The following CACUL1 variants were observed in gnomAD, a reference collection of about 807,000 sequenced individuals.
CACUL1 encodes the protein CDK2-associated and cullin domain-containing protein 1.
CACUL1 carries 13 observed loss-of-function variants against 45.2 expected under a neutral mutation model. The ratio of observed to expected loss-of-function variants is 0.29; its 90% CI spans 0.19 to 0.46. The LOEUF (loss-of-function observed/expected upper bound fraction) is 0.46, where lower values mean the gene tolerates loss of function less well. CACUL1 is among the 20% of genes least tolerant of loss of function. CACUL1 has a pLI of 1.00. For missense variants in CACUL1, 421 were observed against 471.4 expected (o/e 0.89, Z 0.99); for synonymous variants, 197 against 174.2 (o/e 1.13, Z -1.03).
intron 5 of CACUL1, 42 bp from the exon 6 acceptor site, chr10:118,695,272 G>T: frequency 2.8e-6 from 3 of 1,078,210 alleles, no homozygotes; most frequent in South Asian, 1.2e-5. Flanking sequence ...AACACATATT[G>T]ACTGTCAAGA....
chr10:118,725,851 C>A (rs1164499587), intron 3 of CACUL1, among the ~76,000 whole-genome samples: 1 of 152,162 alleles, frequency 6.6e-6, no homozygotes, highest in Non-Finnish European at 1.5e-5. Context: ...CCAAAAATAA[C>A]TGGAGAATAT....
intron 3 of CACUL1, among the ~76,000 whole-genome samples, chr10:118,727,637 A>G (rs1845664043): frequency 6.6e-6 from 1 of 152,210 alleles, no homozygotes; most frequent in African/African-American, 2.4e-5. Flanking sequence ...CATTACTTAC[A>G]AGACTGACTA....
chr10:118,749,936 A>C (rs1462704114), intron 1 of CACUL1, among the ~76,000 whole-genome samples: 1 of 152,240 alleles, frequency 6.6e-6, no homozygotes, highest in East Asian at 1.9e-4. Context: ...GAAGGGCTAG[A>C]TGTACCCTTT....
chr10:118,694,782 C>T lies in CACUL1; in HGVS notation c.886+359G>A, dbSNP rs192878726. The T allele has an allele frequency of 9.7e-5, 18 of 185,676 alleles. No individual in the cohort carries two copies. The East Asian group carries it at 2.2e-3, about 23-fold the overall frequency. The allele number at this position is 185,676 out of a possible 1,614,324, so 11.5% of individuals were successfully genotyped here. On this transcript the variant is annotated intron_variant, in intron 6 of 8. Transcript: ENST00000369151. ...GATTCTTCGCAAGTTACTTAACAGG[C>T]CTAAGAAGACGGGGTTGTGAATGTG... is the stretch of plus-strand genomic sequence containing the variant.
chr10:118,680,498 T>A lies in CACUL1; in HGVS notation c.*5630A>T, dbSNP rs554560008. The A allele has an allele frequency of 1.3e-5, 2 of 152,096 alleles. No homozygotes were observed. Among genetic ancestry groups the A allele is most frequent in the African/African-American group, 4.8e-5 (2 of 41,442 alleles). 9.4% of individuals were successfully genotyped at this position (152,096 alleles called of 1,614,324 possible). Reference sequence around the variant, plus strand: ...GTAGGAAAGGACACCTCTACAGAGATAGCAAGAGAAACTAAAACCTTAAAG... The same window carrying A: ...GTAGGAAAGGACACCTCTACAGAGAAAGCAAGAGAAACTAAAACCTTAAAG... On this transcript the variant is annotated 3_prime_UTR_variant, in exon 9 of 9. Transcript: ENST00000369151.
chr10:118,739,025 C>T (rs527660336), intron 1 of CACUL1, among the ~76,000 whole-genome samples: 58 of 150,864 alleles, frequency 3.8e-4, no homozygotes, highest in Non-Finnish European at 7.5e-4. Context: ...GAAACCTGGT[C>T]TGTACTAAAA....
chr10:118,753,461 G>C (rs1284754944), intron 1 of CACUL1, among the ~76,000 whole-genome samples: 1 of 152,180 alleles, frequency 6.6e-6, no homozygotes, highest in African/African-American at 2.4e-5. Flanking sequence ...GTTAATAATA[G>C]GAGAGAAAAA....
intron 5 of CACUL1, among the ~76,000 whole-genome samples, chr10:118,697,163 A>G (rs934565627): frequency 3.3e-5 from 5 of 152,226 alleles, no homozygotes; most frequent in East Asian, 3.8e-4. Context: ...TTGAGAGAGA[A>G]AAGAGTACTG....
Position 118,707,701 on chromosome 10 carries a change from C to CAAA in CACUL1, c.598-117_598-115dup, listed in dbSNP as rs879008510. On this transcript the variant is annotated intron_variant, in intron 3 of 8. Transcript: ENST00000369151. ...AATTCATACTGAGATTCACAATTAA[C>CAAA]AAAAAAAAAAAAAAAGGAAGACACG... 2,793 of 330,888 alleles carry CAAA rather than the reference C, an allele frequency of 8.4e-3. 76 individuals carry two copies. Among genetic ancestry groups the CAAA allele is most frequent in the African/African-American group, 0.072 (2,483 of 34,726 alleles). The allele number at this position is 330,888 out of a possible 1,614,324, so 20.5% of individuals were successfully genotyped here. A position where few individuals can be genotyped will look rare whatever the true frequency, so the allele number is the denominator to read the frequency against.
At chr10:118,713,035 G>A (rs1845506180) in intron 3 of CACUL1, among the ~76,000 whole-genome samples, 1 of 152,226 alleles carries the variant, frequency 6.6e-6, no homozygotes, top group Non-Finnish European at 1.5e-5. Context: ...CCAGGCTGTA[G>A]GTGCCAAGGG....
chr10:118,699,356 T>C (rs930523529), intron 5 of CACUL1, among the ~76,000 whole-genome samples: 3 of 152,254 alleles, frequency 2.0e-5, no homozygotes, highest in East Asian at 3.8e-4. Context: ...GTAATTTTTA[T>C]TGAAAACCGG....
chr10:118,711,370 G>A lies in CACUL1; in HGVS notation c.598-3783C>T, dbSNP rs567449297. ...GCTGGGATTACAGCCGTGAGCCACCGCACCTGGCCTAATAACATTTTTAAA... is the reference window on the plus strand; with the variant it reads ...GCTGGGATTACAGCCGTGAGCCACCACACCTGGCCTAATAACATTTTTAAA... On this transcript the variant is annotated intron_variant, in intron 3 of 8. Coordinates refer to ENST00000369151, the MANE Select transcript of CACUL1 (RefSeq NM_153810.5). Among the ~76,000 whole-genome samples the A allele has an allele frequency of 1.6e-4, 24 of 152,284 alleles. No individual in the cohort carries two copies. In the South Asian group the frequency reaches 4.8e-3, roughly 30 times the overall value.
At position 118,728,382 on chromosome 10, in the gene CACUL1, C is replaced by T. The variant is rs559288783; in HGVS notation, c.597+913G>A. Among the ~76,000 whole-genome samples the T allele has an allele frequency of 2.4e-4, 36 of 149,614 alleles. 1 individual carries two copies. Among genetic ancestry groups the T allele is most frequent in the Middle Eastern group, 3.4e-3 (1 of 292 alleles). Reference sequence around the variant, plus strand: ...AGGCTGGAGTGCAGCGACGCAATCTCGGCCAACTGCAACCTCCGCCTCCCG... The same window carrying T: ...AGGCTGGAGTGCAGCGACGCAATCTTGGCCAACTGCAACCTCCGCCTCCCG... On this transcript the variant is annotated intron_variant, in intron 3 of 8. Coordinates refer to ENST00000369151, the MANE Select transcript of CACUL1 (RefSeq NM_153810.5).
chr10:118,700,973 A>G (rs888006981), intron 5 of CACUL1, among the ~76,000 whole-genome samples: 11 of 152,212 alleles, frequency 7.2e-5, no homozygotes, highest in African/African-American at 2.7e-4. Flanking sequence ...TATTCCTTCT[A>G]GAGTTACTAG....
intron 3 of CACUL1, among the ~76,000 whole-genome samples, chr10:118,728,479 C>T (rs528206115): frequency 5.9e-4 from 89 of 152,024 alleles, no homozygotes; most frequent in African/African-American, 1.8e-3. Context: ...TTAGTAGAGA[C>T]GGGGTTTCAC....
chr10:118,754,855 C>A lies in CACUL1; in HGVS notation c.-93G>T. On this transcript the variant is annotated 5_prime_UTR_variant, in exon 1 of 9. Coordinates refer to ENST00000369151, the MANE Select transcript of CACUL1 (RefSeq NM_153810.5). ...GCACCGCTGCCTCCCCGAGTTACAT[C>A]GCCGGCGGCAGGAATGGGCGCAGCG... is the stretch of plus-strand genomic sequence containing the variant. The A allele has an allele frequency of 7.5e-6, 11 of 1,469,130 alleles. No homozygotes were observed. The highest frequency in any genetic ancestry group is 9.9e-6 in the Non-Finnish European group (11 of 1,105,592). The allele number at this position is 1,469,130 out of a possible 1,614,324, so 91.0% of individuals were successfully genotyped here.
chr10:118,719,739 A>T (rs2119618052), intron 3 of CACUL1, among the ~76,000 whole-genome samples: 1 of 151,868 alleles, frequency 6.6e-6, no homozygotes, highest in South Asian at 2.1e-4. Flanking sequence ...TGAATCCTGG[A>T]GGCGGAGGTT....
chr10:118,731,275 T>C lies in CACUL1; in HGVS notation c.368-865A>G, dbSNP rs190022903. Among the ~76,000 whole-genome samples, 474 of 152,310 alleles carry C rather than the reference T, an allele frequency of 3.1e-3. 2 individuals carry two copies. Among genetic ancestry groups the C allele is most frequent in the African/African-American group, 9.9e-3 (413 of 41,548 alleles). On this transcript the variant is annotated intron_variant, in intron 1 of 8. Transcript: ENST00000369151. ...AGACCAGGTATTTCACTGTTTATTT[T>C]ACCAGACTAGGAAGCAGAGTGGTTA...
At chr10:118,709,841 C>G (rs1295752737) in intron 3 of CACUL1, among the ~76,000 whole-genome samples, 1 of 152,026 alleles carries the variant, frequency 6.6e-6, no homozygotes, top group Non-Finnish European at 1.5e-5. Flanking sequence ...TTTTCTAATT[C>G]ATCGTACTTA....
Sources: gnomAD v4.1 joint callset for allele counts (sites outside exome capture counted in the v4.1 genomes callset) on GRCh38, gnomAD v4.1.1 for gene constraint, MANE v1.5 for transcripts, NCBI Gene and HGNC (gene_info 2026-07-23, HGNC 2026-07-21) for gene names.